ABCC4: variants seen among roughly 807,000 people sequenced by gnomAD.
The protein encoded by ABCC4 is ATP-binding cassette sub-family C member 4.
Under a neutral mutation model 168.5 loss-of-function variants are expected in ABCC4, and 102 were observed. The ratio of observed to expected loss-of-function variants is 0.61; its 90% CI spans 0.52 to 0.71. ABCC4 has a LOEUF of 0.71. Among genes scored for constraint, ABCC4 ranks in the 30% least tolerant of loss-of-function variants. The pLI is 0.00. For missense variants in ABCC4, 1,402 were observed against 1,605.8 expected (o/e 0.87, Z 2.17); for synonymous variants, 617 against 590.7 (o/e 1.04, Z -0.65).
chr13:95,167,512 C>G (rs1283253270), intron 14 of ABCC4, among the ~76,000 whole-genome samples: 2 of 152,114 alleles, frequency 1.3e-5, no homozygotes, highest in African/African-American at 2.4e-5. Context: ...CTCCCCACCC[C>G]CAAAAGGTGG....
At position 95,074,475 on chromosome 13, in the gene ABCC4, A is replaced by C. The variant is rs2033832344; in HGVS notation, c.2807-151T>G. 2.7e-5 allele frequency: 17 copies of C among 626,566 alleles called. No homozygotes were observed. The South Asian group carries it at 3.4e-4, about 12-fold the overall frequency. 38.8% of individuals were successfully genotyped at this position (626,566 alleles called of 1,614,324 possible). A position where few individuals can be genotyped will look rare whatever the true frequency, so the allele number is the denominator to read the frequency against. On this transcript the variant is annotated intron_variant, in intron 22 of 30. Transcript: ENST00000645237. ...TTTAGATTCCAGAAAGCTAAGTGAT[A>C]CAGGCAATATACGATACACATACAC...
chr13:95,140,927 C>G (rs1049921596), intron 19 of ABCC4, among the ~76,000 whole-genome samples: 16 of 152,334 alleles, frequency 1.1e-4, no homozygotes, highest in Admixed American at 2.6e-4. Flanking sequence ...CAGGCTTCTG[C>G]ACGACATCAA....
chr13:95,289,663 T>A (rs1184531994), intron 1 of ABCC4, among the ~76,000 whole-genome samples: 1 of 152,128 alleles, frequency 6.6e-6, no homozygotes, highest in African/African-American at 2.4e-5. Flanking sequence ...GACAAGTCCT[T>A]TGAGAGGAAC....
chr13:95,176,958 A>C (rs1279988462), intron 13 of ABCC4, among the ~76,000 whole-genome samples: 2 of 152,238 alleles, frequency 1.3e-5, no homozygotes, highest in Non-Finnish European at 2.9e-5. Context: ...TTCTACCTCC[A>C]TGGCTCAGTG....
chr13:95,286,402 G>A (rs2041257999), intron 1 of ABCC4, among the ~76,000 whole-genome samples: 1 of 152,026 alleles, frequency 6.6e-6, no homozygotes, highest in South Asian at 2.1e-4. Context: ...TTACAGGCAT[G>A]AGCCACAGTG....
intron 25 of ABCC4, among the ~76,000 whole-genome samples, chr13:95,064,251 T>C (rs1352135511): frequency 1.3e-4 from 1 of 7,930 alleles, no homozygotes. Flanking sequence ...TCCGGGTGTG[T>C]GTGTGTGTGT....
At chr13:95,023,030 T>C (rs1407790527) in intron 30 of ABCC4, among the ~76,000 whole-genome samples, 1 of 152,176 alleles carries the variant, frequency 6.6e-6, no homozygotes, top group Non-Finnish European at 1.5e-5. Context: ...TCATATCATC[T>C]CCCTCTCCCA....
At chr13:95,124,122 C>T (rs751366626) in intron 19 of ABCC4, among the ~76,000 whole-genome samples, 1 of 152,110 alleles carries the variant, frequency 6.6e-6, no homozygotes, top group Non-Finnish European at 1.5e-5. Flanking sequence ...CTAAAAATTC[C>T]TTGTACTTAT....
chr13:95,266,336 A>G (rs1053175209), intron 1 of ABCC4: 1 of 152,426 alleles, frequency 6.6e-6, no homozygotes, highest in Admixed American at 6.5e-5. Context: ...GCCACAAGCC[A>G]AGGACACTAA....
intron 1 of ABCC4, among the ~76,000 whole-genome samples, chr13:95,270,989 G>A (rs1295534015): frequency 6.6e-6 from 1 of 152,170 alleles, no homozygotes; most frequent in Non-Finnish European, 1.5e-5. Context: ...CAGCTACTCG[G>A]GAGGCTGAGG....
chr13:95,254,082 AAGAT>A (rs1440815431), intron 1 of ABCC4, among the ~76,000 whole-genome samples: 1 of 151,940 alleles, frequency 6.6e-6, no homozygotes, highest in Non-Finnish European at 1.5e-5. Flanking sequence ...TATTTTTGTA[AAGAT>A]AGAGTCTCAT....
intron 3 of ABCC4, among the ~76,000 whole-genome samples, chr13:95,237,548 C>T (rs2039808524): frequency 2.0e-5 from 3 of 152,050 alleles, no homozygotes; most frequent in South Asian, 4.1e-4. Flanking sequence ...TTTGAGAGTC[C>T]AGTAGGATAC....
At chr13:95,131,180 A>G (rs1303008121) in intron 19 of ABCC4, among the ~76,000 whole-genome samples, 1 of 152,258 alleles carries the variant, frequency 6.6e-6, no homozygotes, top group Non-Finnish European at 1.5e-5. Context: ...AAAGGAGTTA[A>G]GAAACTGTAA....
intron 3 of ABCC4, among the ~76,000 whole-genome samples, chr13:95,241,866 G>C (rs9524861): frequency 0.18 from 27,992 of 152,164 alleles, 3,484 homozygotes; most frequent in Non-Finnish European, 0.28. Flanking sequence ...CTTCAGCTTA[G>C]TTAAGAGTAT....
At chr13:95,300,038 C>T (rs2041635247) in intron 1 of ABCC4, among the ~76,000 whole-genome samples, 1 of 152,198 alleles carries the variant, frequency 6.6e-6, no homozygotes, top group Non-Finnish European at 1.5e-5. Context: ...GACGGGGTTT[C>T]ACCATGTCAG....
chr13:95,129,474 AT>A (rs1400686451), intron 19 of ABCC4, among the ~76,000 whole-genome samples: 1 of 152,166 alleles, frequency 6.6e-6, no homozygotes, highest in Non-Finnish European at 1.5e-5. Context: ...GATATTCCAA[AT>A]TCTCTTGTGG....
At chr13:95,042,625 T>C (rs138853117) in intron 29 of ABCC4, among the ~76,000 whole-genome samples, 1 of 152,322 alleles carries the variant, frequency 6.6e-6, no homozygotes, top group African/African-American at 2.4e-5. Flanking sequence ...GGGACTGGTA[T>C]ATAAAGCAAT....
intron 19 of ABCC4, among the ~76,000 whole-genome samples, chr13:95,142,897 A>T (rs1323284026): frequency 6.6e-6 from 1 of 152,216 alleles, no homozygotes; most frequent in Non-Finnish European, 1.5e-5. Flanking sequence ...CTGCCAAAAA[A>T]ATATAATAAT....
At chr13:95,292,200 A>C (rs889953741) in intron 1 of ABCC4, among the ~76,000 whole-genome samples, 7 of 152,088 alleles carry the variant, frequency 4.6e-5, no homozygotes, top group Non-Finnish European at 1.0e-4. Context: ...TCTACAAAAA[A>C]TATAAAAAAT....
Sources: gnomAD v4.1 joint callset for allele counts (sites outside exome capture counted in the v4.1 genomes callset) on GRCh38, gnomAD v4.1.1 for gene constraint, MANE v1.5 for transcripts, NCBI Gene and HGNC (gene_info 2026-07-23, HGNC 2026-07-21) for gene names.